The following PPP1R9A variants were observed in gnomAD, a reference collection of about 807,000 sequenced individuals.
PPP1R9A encodes the protein protein phosphatase 1 regulatory subunit 9A.
A neutral mutation model predicts 141.9 loss-of-function variants in PPP1R9A; 59 were observed. The observed-to-expected ratio is 0.42, with a 90% CI of 0.34 to 0.52. The LOEUF (loss-of-function observed/expected upper bound fraction) is 0.52. Ranked by LOEUF, PPP1R9A falls within the 20% of genes least tolerant of loss-of-function variation. The probability of loss-of-function intolerance (pLI) is 0.10; values close to 1 mark genes in which losing one functional copy is unlikely to be tolerated. For synonymous variants in PPP1R9A, 500 were observed against 569.7 expected, an observed-to-expected ratio of 0.88 and a Z score of 1.74; for missense variants, 1,444 against 1,611.9, an observed-to-expected ratio of 0.90 and a Z score of 1.78.
chr7:95,032,112 T>C (rs897512423), intron 2 of PPP1R9A, among the ~76,000 whole-genome samples: 24 of 152,338 alleles, frequency 1.6e-4, no homozygotes, highest in African/African-American at 5.8e-4. Context: ...TTGGGGAAAC[T>C]GAGTCCCAGA....
intron 7 of PPP1R9A, among the ~76,000 whole-genome samples, chr7:95,224,982 G>C (rs1794947293): frequency 6.6e-6 from 1 of 152,004 alleles, no homozygotes; most frequent in African/African-American, 2.4e-5. Flanking sequence ...ATATCATAAG[G>C]TATAGATTTC....
chr7:95,077,569 T>A (rs796999347), intron 2 of PPP1R9A, among the ~76,000 whole-genome samples: 21 of 152,288 alleles, frequency 1.4e-4, no homozygotes, highest in African/African-American at 5.1e-4. Context: ...AAATAATTTT[T>A]CCTATATCCT....
chr7:95,284,163 A>C lies in PPP1R9A; in HGVS notation c.3442A>C (p.Ser1148Arg). The change falls in exon 17 of 20, where the codon AGT becomes CGT. Residue 1148 changes from serine to arginine, a missense_variant. By Grantham distance (110) the Ser-to-Arg change is moderately radical. Around this residue, in one of 5 missense-constraint regions of PPP1R9A, gnomAD observed 459 missense variants for 513.8 expected, o/e 0.89. Coordinates refer to ENST00000433360, the MANE Select transcript of PPP1R9A (RefSeq NM_001166160.2). Reference protein sequence around the residue: ...YSFRNLPAPTSSLQPSPETLI... With the variant: ...YSFRNLPAPTRSLQPSPETLI... ...CTTCAGGAACCTGCCTGCGCCTACA[A>C]GTTCCCTTCAGCCTTCTCCTGAGAC... The C allele has an allele frequency of 6.3e-7, 1 of 1,588,064 alleles. No homozygotes were observed. Among genetic ancestry groups the C allele is most frequent in the Non-Finnish European group, 8.6e-7 (1 of 1,169,436 alleles).
At position 95,295,802 on chromosome 7, in the gene PPP1R9A, C is replaced by G. The variant is rs1807025492; in HGVS notation, c.*5499C>G. ...TAAGAGGCACTCCAGCCAGATAACACCTCCCAACAACATGAAATTTAGTTA... is the reference window on the plus strand; with the variant it reads ...TAAGAGGCACTCCAGCCAGATAACAGCTCCCAACAACATGAAATTTAGTTA... On this transcript the variant is annotated 3_prime_UTR_variant, in exon 20 of 20. Transcript: ENST00000433360. The G allele has an allele frequency of 1.3e-5, 2 of 152,492 alleles. No homozygotes were observed. The highest frequency in any genetic ancestry group is 4.8e-5 in the African/African-American group (2 of 41,442). 9.4% of individuals were successfully genotyped at this position (152,492 alleles called of 1,614,324 possible). A position where few individuals can be genotyped will look rare whatever the true frequency, so the allele number is the denominator to read the frequency against.
intron 4 of PPP1R9A, among the ~76,000 whole-genome samples, chr7:95,154,129 AT>A (rs1045963254): frequency 2.2e-4 from 32 of 144,592 alleles, no homozygotes; most frequent in African/African-American, 5.6e-4. Flanking sequence ...TTTTCTTTGT[AT>A]TTTTTTTTAT....
intron 8 of PPP1R9A, among the ~76,000 whole-genome samples, chr7:95,242,924 G>A (rs747403293): frequency 8.5e-5 from 13 of 152,152 alleles, no homozygotes; most frequent in Middle Eastern, 3.4e-3. Context: ...TGCAGTCAGC[G>A]TGCCTGACCA....
At position 95,247,481 on chromosome 7, in the gene PPP1R9A, C is replaced by A; in HGVS notation, c.2121C>A (p.Ile707=). 2 of 1,606,980 alleles carry A rather than the reference C, an allele frequency of 1.2e-6. No individual in the cohort carries two copies. The highest frequency in any genetic ancestry group is 2.2e-5 in the South Asian group (2 of 90,248). The change falls in exon 9 of 20, where the codon ATC becomes ATA. Residue 707 remains isoleucine (I), a synonymous_variant. Transcript: ENST00000433360. ...KLSHKFKELQ[I]KHAVTEAEIQ... is the part of the protein sequence containing the mutation. ...TTCTTTTCAATTTTCAGTTGCAAATCAAACATGCAGTTACAGAAGCAGAGA... is the reference window on the plus strand; with the variant it reads ...TTCTTTTCAATTTTCAGTTGCAAATAAAACATGCAGTTACAGAAGCAGAGA...
intron 2 of PPP1R9A, among the ~76,000 whole-genome samples, chr7:94,933,226 G>A (rs982459539): frequency 1.3e-5 from 2 of 152,128 alleles, no homozygotes; most frequent in Non-Finnish European, 2.9e-5. Context: ...CACTTGAAAT[G>A]TGCAAATTTA....
At chr7:95,138,680 A>T (rs911529001) in intron 4 of PPP1R9A, among the ~76,000 whole-genome samples, 1 of 152,266 alleles carries the variant, frequency 6.6e-6, no homozygotes, top group Non-Finnish European at 1.5e-5. Context: ...TAACCACTGA[A>T]TGTTTAAAAT....
intron 4 of PPP1R9A, among the ~76,000 whole-genome samples, chr7:95,142,593 G>A (rs1036139968): frequency 6.6e-6 from 1 of 151,960 alleles, no homozygotes; most frequent in African/African-American, 2.4e-5. Context: ...TAGTTTTCTA[G>A]CATCATTTTT....
intron 14 of PPP1R9A, among the ~76,000 whole-genome samples, chr7:95,272,995 G>A (rs933354012): frequency 1.3e-5 from 2 of 152,114 alleles, no homozygotes; most frequent in African/African-American, 2.4e-5. Flanking sequence ...ACGTGATGCC[G>A]ATCAGTACCC....
At chr7:95,224,626 G>A (rs1035250186) in intron 7 of PPP1R9A, among the ~76,000 whole-genome samples, 1 of 151,956 alleles carries the variant, frequency 6.6e-6, no homozygotes, top group African/African-American at 2.4e-5. Context: ...GAAATCTGAA[G>A]GCAATTTAAT....
chr7:95,154,778 A>G (rs1309059533), intron 4 of PPP1R9A: 2 of 152,198 alleles, frequency 1.3e-5, no homozygotes, highest in Non-Finnish European at 2.9e-5. Flanking sequence ...TAAGTAATCA[A>G]GGAAACACCA....
intron 12 of PPP1R9A, among the ~76,000 whole-genome samples, chr7:95,252,433 C>G (rs372595239): frequency 8.0e-5 from 12 of 149,440 alleles, no homozygotes; most frequent in African/African-American, 2.5e-4. Context: ...CTAGGATGAA[C>G]TACACTACTT....
At chr7:95,184,354 A>C (rs2152807105) in intron 5 of PPP1R9A, among the ~76,000 whole-genome samples, 1 of 152,302 alleles carries the variant, frequency 6.6e-6, no homozygotes, top group South Asian at 2.1e-4. Context: ...TATATGTTTC[A>C]GGTATTAAAT....
intron 5 of PPP1R9A, among the ~76,000 whole-genome samples, chr7:95,188,183 T>C (rs1438731596): frequency 1.3e-5 from 2 of 152,128 alleles, no homozygotes; most frequent in African/African-American, 2.4e-5. Flanking sequence ...TACATACATA[T>C]TTAGGATTGT....
chr7:95,075,460 A>G (rs550056105), intron 2 of PPP1R9A, among the ~76,000 whole-genome samples: 16 of 152,142 alleles, frequency 1.1e-4, no homozygotes, highest in Non-Finnish European at 2.1e-4. Flanking sequence ...TCTGCATGGG[A>G]GTTCATGACG....
chr7:94,932,223 T>C (rs537477677), intron 2 of PPP1R9A, among the ~76,000 whole-genome samples: 15 of 152,336 alleles, frequency 9.8e-5, no homozygotes, highest in African/African-American at 3.6e-4. Flanking sequence ...TCAAAACAGA[T>C]GAGTACTTAC....
rs1299231184 is a variant in PPP1R9A at position 95,053,175 on chromosome 7, T to C, written c.1396-58084T>C. 2.0e-5 allele frequency among the ~76,000 whole-genome samples: 3 copies of C among 152,220 alleles called. No individual in the cohort carries two copies. In the East Asian group the frequency reaches 5.8e-4, roughly 29 times the overall value. Reference sequence around the variant, plus strand: ...AAATGTTGTTCACAGTTAGGGTCTCTCTGTGTTGAGATGGATGTGAAGAAA... The same window carrying C: ...AAATGTTGTTCACAGTTAGGGTCTCCCTGTGTTGAGATGGATGTGAAGAAA... On this transcript the variant is annotated intron_variant, in intron 2 of 19. Transcript: ENST00000433360.
Sources: allele counts gnomAD v4.1 joint callset (sites outside exome capture counted in the v4.1 genomes callset), GRCh38; gene constraint gnomAD v4.1.1; regional missense constraint gnomAD v4.1.1; transcripts MANE v1.5; gene names NCBI Gene and HGNC (gene_info 2026-07-23, HGNC 2026-07-21).